KSR1: variants seen among roughly 807,000 people sequenced by gnomAD.
KSR1 encodes kinase suppressor of ras 1, also known as kinase suppressor of ras.
In KSR1, 35 loss-of-function variants were observed where a neutral mutation model predicts 92.9. The observed-to-expected ratio is 0.38, with a 90% CI of 0.29 to 0.50. KSR1 has a LOEUF of 0.50. Among genes scored for constraint, KSR1 ranks in the 20% least tolerant of loss-of-function variants. KSR1 has a pLI of 0.94. For missense variants in KSR1, 972 were observed against 1,158.5 expected (o/e 0.84, Z 2.34); for synonymous variants, 467 against 472.6 (o/e 0.99, Z 0.15).
Position 27,456,664 on chromosome 17 carries a change from C to T in KSR1, c.21C>T (p.Arg7=), listed in dbSNP as rs1464381552. 2 of 650,190 alleles carry T rather than the reference C, an allele frequency of 3.1e-6. No homozygotes were observed. The highest frequency in any genetic ancestry group is 1.8e-5 in the South Asian group (1 of 56,072). The allele number at this position is 650,190 out of a possible 1,614,324, so 40.3% of individuals were successfully genotyped here. A position where few individuals can be genotyped will look rare whatever the true frequency, so the allele number is the denominator to read the frequency against. MDRAAL[R]AAAMGEKKEG... Reference sequence around the variant, plus strand: ...GAGGCATGGATAGAGCAGCGCTGCGCGCGGCGGCGATGGGAGAGAAGAAGG... The same window carrying T: ...GAGGCATGGATAGAGCAGCGCTGCGTGCGGCGGCGATGGGAGAGAAGAAGG... Residue 7 remains arginine, a synonymous_variant, in exon 1 of 21, where the codon CGC becomes CGT. Coordinates refer to ENST00000644974, the MANE Select transcript of KSR1 (RefSeq NM_001394583.1).
In KSR1 at chr17:27,457,455, C is replaced by A. The variant is rs141365779; in HGVS notation, c.231+581C>A. Among the ~76,000 whole-genome samples, 3 of 152,252 alleles carry A rather than the reference C, an allele frequency of 2.0e-5. No homozygotes were observed. The East Asian group carries it at 5.8e-4, about 29-fold the overall frequency. The stretch of plus-strand genomic sequence containing the variant: ...TTCCTTTCACGTTGCCACGGAGGCT[C>A]GCTGCTTAAAATGTATTAATAATTA... On this transcript the variant is annotated intron_variant, in intron 1 of 20. Transcript: ENST00000644974.
At chr17:27,609,440 G>A in intron 16 of KSR1, 111 bp downstream of exon 16, 1 of 1,404,862 alleles carries the variant, frequency 7.1e-7, no homozygotes, top group South Asian at 1.3e-5. Flanking sequence ...CTCCCTGCAG[G>A]GAAGCCCAGG....
chr17:27,563,981 C>CTTTTTTTTTTTTTT lies in KSR1; in HGVS notation c.372+13285_372+13298dup, dbSNP rs200904358. Among the ~76,000 whole-genome samples, 13 of 46,892 alleles carry CTTTTTTTTTTTTTT rather than the reference C, an allele frequency of 2.8e-4. 3 individuals carry two copies. The highest frequency in any genetic ancestry group is 1.2e-3 in the South Asian group (1 of 822). The allele number at this position is 46,892 out of a possible 152,430, so 30.8% of individuals were successfully genotyped here. On this transcript the variant is annotated intron_variant, in intron 2 of 20. Coordinates refer to ENST00000644974, the MANE Select transcript of KSR1 (RefSeq NM_001394583.1). ...TATTTGTACAGTTGGTATTCGGTAGCTTTTTTTTTTTTTTTTTTTTTTTTT... is the reference window on the plus strand; with the variant it reads ...TATTTGTACAGTTGGTATTCGGTAGCTTTTTTTTTTTTTTTTTTTTTTTTTTTTTTTTTTTTTTT...
chr17:27,582,309 C>T (rs1295186659), intron 3 of KSR1, among the ~76,000 whole-genome samples: 2 of 152,188 alleles, frequency 1.3e-5, no homozygotes, highest in Non-Finnish European at 2.9e-5. Context: ...CAGCATTCCC[C>T]ATCCCCAAAT....
chr17:27,615,931 G>C (rs1160440142), intron 18 of KSR1, among the ~76,000 whole-genome samples: 1 of 152,176 alleles, frequency 6.6e-6, no homozygotes, highest in Admixed American at 6.5e-5. Context: ...TTGCCCTGCT[G>C]TCTACTAAGT....
chr17:27,475,509 G>T (rs1432431185), intron 1 of KSR1, among the ~76,000 whole-genome samples: 11 of 152,180 alleles, frequency 7.2e-5, no homozygotes, highest in Non-Finnish European at 8.8e-5. Context: ...ACTCACTGAG[G>T]GCGTCAGGTG....
At position 27,566,467 on chromosome 17, in the gene KSR1, TG is replaced by T. The variant is rs2072074190; in HGVS notation, c.373-11024del. ...TCAGGCCCCCTTGTCATGAATCGCC[TG>T]TGGAGCTGGGTGACAGCCAAGGTGT... On this transcript the variant is annotated intron_variant, in intron 2 of 20. Coordinates refer to ENST00000644974, the MANE Select transcript of KSR1 (RefSeq NM_001394583.1). 7.5e-6 allele frequency: 3 copies of T among 399,134 alleles called. No individual in the cohort carries two copies. The East Asian group carries it at 1.1e-4, about 14-fold the overall frequency. The allele number at this position is 399,134 out of a possible 1,614,324, so 24.7% of individuals were successfully genotyped here.
chr17:27,570,897 C>T (rs1180642698), intron 2 of KSR1, among the ~76,000 whole-genome samples: 1 of 152,168 alleles, frequency 6.6e-6, no homozygotes, highest in African/African-American at 2.4e-5. Context: ...CCAAGCATTG[C>T]GATTCATTTT....
At chr17:27,598,004 A>G (rs1466062945) in intron 10 of KSR1, among the ~76,000 whole-genome samples, 9 of 152,206 alleles carry the variant, frequency 5.9e-5, no homozygotes, top group Non-Finnish European at 1.3e-4. Flanking sequence ...AAAGCAGAGT[A>G]GACCTGAGCC....
Position 27,623,749 on chromosome 17 carries a change from T to C in KSR1, c.*357T>C. On this transcript the variant is annotated 3_prime_UTR_variant, in exon 21 of 21. Coordinates refer to ENST00000644974, the MANE Select transcript of KSR1 (RefSeq NM_001394583.1). ...AAATGGCCATCCCCTCTGAGGACCT[T>C]GTAGGCGGTGAGGGACCCATGCTGG... 1 of 554,934 alleles carries C rather than the reference T, an allele frequency of 1.8e-6. No homozygotes were observed. Among genetic ancestry groups the C allele is most frequent in the Non-Finnish European group, 3.1e-6 (1 of 320,982 alleles). The allele number at this position is 554,934 out of a possible 1,614,324, so 34.4% of individuals were successfully genotyped here.
At chr17:27,475,148 G>A (rs1389928246) in intron 1 of KSR1, among the ~76,000 whole-genome samples, 3 of 152,170 alleles carry the variant, frequency 2.0e-5, no homozygotes, top group Non-Finnish European at 4.4e-5. Flanking sequence ...AAGCCAAAGG[G>A]GAGTGAACCA....
intron 1 of KSR1, among the ~76,000 whole-genome samples, chr17:27,488,131 CAT>C (rs900716412): frequency 6.6e-6 from 1 of 152,224 alleles, no homozygotes; most frequent in Non-Finnish European, 1.5e-5. Context: ...TAAATGTGCA[CAT>C]GTGTTCCAGC....
At chr17:27,601,931 G>C in intron 11 of KSR1, 1 of 1,608,734 alleles carries the variant, frequency 6.2e-7, no homozygotes, top group East Asian at 2.2e-5. Flanking sequence ...CCTCCTTATT[G>C]CAGAAAGTTT....
intron 2 of KSR1, among the ~76,000 whole-genome samples, chr17:27,574,294 C>A (rs1027749357): frequency 2.0e-5 from 3 of 152,198 alleles, no homozygotes; most frequent in Non-Finnish European, 4.4e-5. Flanking sequence ...TGTATAGAAG[C>A]TTCTGCATGG....
chr17:27,487,379 G>A (rs1268405145), intron 1 of KSR1, among the ~76,000 whole-genome samples: 1 of 152,190 alleles, frequency 6.6e-6, no homozygotes, highest in East Asian at 1.9e-4. Context: ...AGGTTGCCAT[G>A]AGCCGAGATC....
intron 1 of KSR1, among the ~76,000 whole-genome samples, chr17:27,536,323 A>G (rs1163164853): frequency 6.6e-6 from 1 of 152,232 alleles, no homozygotes; most frequent in Non-Finnish European, 1.5e-5. Flanking sequence ...CCGGTATGCC[A>G]GAAATTCCCT....
intron 1 of KSR1, among the ~76,000 whole-genome samples, chr17:27,498,661 T>C (rs961393421): frequency 1.6e-4 from 25 of 152,128 alleles, no homozygotes; most frequent in Non-Finnish European, 2.9e-4. Context: ...GTGGCCCAGG[T>C]TGTGAGTCCC....
chr17:27,610,708 A>G (rs1020085816), intron 17 of KSR1, among the ~76,000 whole-genome samples: 4 of 152,266 alleles, frequency 2.6e-5, no homozygotes, highest in Admixed American at 1.3e-4. Flanking sequence ...TTTATGTTTT[A>G]TATATTATAA....
intron 1 of KSR1, among the ~76,000 whole-genome samples, chr17:27,468,019 G>A (rs531167845): frequency 3.2e-4 from 49 of 151,906 alleles, no homozygotes; most frequent in Non-Finnish European, 5.9e-4. Flanking sequence ...GGGTTTCACC[G>A]TGTTAGCCAG....
Sources: gnomAD v4.1 joint callset for allele counts (sites outside exome capture counted in the v4.1 genomes callset) on GRCh38, gnomAD v4.1.1 for gene constraint, MANE v1.5 for transcripts, NCBI Gene and HGNC (gene_info 2026-07-23, HGNC 2026-07-21) for gene names.